Variants in SYTL5 observed in about 807,000 individuals in gnomAD.
The protein encoded by SYTL5 is synaptotagmin-like protein 5.
Under a neutral mutation model 55.9 loss-of-function variants are expected in SYTL5, and 34 were observed. The observed-to-expected ratio is 0.61, with a 90% confidence interval of 0.46 to 0.81. SYTL5 has a LOEUF of 0.81. Ranked by LOEUF, SYTL5 falls within the 30% of genes least tolerant of loss-of-function variation. SYTL5 has a pLI of 0.00. For synonymous variants in SYTL5, 221 were observed against 188.7 expected (o/e 1.17, Z -1.40); for missense variants, 637 against 546.7 (o/e 1.17, Z -1.65).
intron 1 of SYTL5, among the ~76,000 whole-genome samples, chrX:38,013,550 C>T (rs1231253165): frequency 8.9e-6 from 1 of 111,760 alleles, no homozygotes; most frequent in Non-Finnish European, 1.9e-5. Context: ...GTAACCAAGG[C>T]ATACAGAGGT....
At chrX:38,010,769 T>A (rs905841242) in intron 1 of SYTL5, among the ~76,000 whole-genome samples, 2 of 111,832 alleles carry the variant, frequency 1.8e-5, no homozygotes, top group African/African-American at 3.2e-5. Context: ...AAAGTGTGTA[T>A]TTTTACTAAT....
In SYTL5 at chrX:38,108,688, G is replaced by A. The variant is rs768865858; in HGVS notation, c.1423G>A (p.Glu475Lys). The A allele has an allele frequency of 8.5e-7, 1 of 1,182,944 alleles. No individual in the cohort carries two copies. Among genetic ancestry groups the A allele is most frequent in the African/African-American group, 1.8e-5 (1 of 56,292 alleles). ...AACAGGCACCAATCCAGAATTCAAT[G>A]AAACACTAAAGGTAAATAAATACGG... The part of the protein sequence containing the change: ...IRTGTNPEFN[E>K]TLKYTISHTQ... The change falls in exon 12 of 17, where the codon GAA becomes AAA. Residue 475 changes from glutamate to lysine, a missense_variant. Glu to Lys is a moderately conservative substitution (Grantham distance 56). Coordinates refer to ENST00000297875, the MANE Select transcript of SYTL5 (RefSeq NM_138780.3).
chrX:38,114,745 T>C lies in SYTL5; in HGVS notation c.1596+4263T>C, dbSNP rs1937442918. ...ACAAAACATTGTTATTATTAATAAC[T>C]ATGGTCACCATGTTATAAAATAGAT... On this transcript the variant is annotated intron_variant, in intron 13 of 16. Transcript: ENST00000297875. Among the ~76,000 whole-genome samples, 6 of 111,528 alleles carry C rather than the reference T, an allele frequency of 5.4e-5. No individual in the cohort carries two copies. The Admixed American group carries it at 5.7e-4, about 11-fold the overall frequency.
chrX:38,035,253 A>G (rs1393957313), intron 2 of SYTL5, among the ~76,000 whole-genome samples: 1 of 112,415 alleles, frequency 8.9e-6, no homozygotes, highest in Non-Finnish European at 1.9e-5. Context: ...ATCATGAATA[A>G]TATTTTTGAC....
chrX:37,911,111 G>C, the SYTL5 span, among the ~76,000 whole-genome samples: 1 of 107,867 alleles, frequency 9.3e-6, no homozygotes, highest in Non-Finnish European at 1.9e-5. Flanking sequence ...GATTACAGGT[G>C]TCTGCCACCA....
the SYTL5 span, among the ~76,000 whole-genome samples, chrX:37,905,224 T>G: frequency 9.0e-6 from 1 of 110,606 alleles, no homozygotes; most frequent in Non-Finnish European, 1.9e-5. Flanking sequence ...CCCACAGTAC[T>G]TTTCCAAGAC....
the SYTL5 span, among the ~76,000 whole-genome samples, chrX:37,967,947 C>G: frequency 9.3e-6 from 1 of 107,759 alleles, no homozygotes; most frequent in Non-Finnish European, 1.9e-5. Flanking sequence ...TTGAACCTCT[C>G]TAGTGAATTT....
chrX:38,023,186 G>A (rs1468502523), intron 1 of SYTL5, among the ~76,000 whole-genome samples: 1 of 111,997 alleles, frequency 8.9e-6, no homozygotes, highest in Non-Finnish European at 1.9e-5. Flanking sequence ...TTCACAGCAT[G>A]TCTGAAACCC....
the SYTL5 span, among the ~76,000 whole-genome samples, chrX:37,933,980 A>G: frequency 2.6e-3 from 292 of 111,495 alleles, 1 homozygote; most frequent in Non-Finnish European, 3.5e-3. Flanking sequence ...GGAAATCTCA[A>G]TCTAATCATT....
the SYTL5 span, among the ~76,000 whole-genome samples, chrX:37,968,058 T>G: frequency 5.4e-5 from 6 of 110,476 alleles, no homozygotes; most frequent in African/African-American, 2.0e-4. Context: ...TGCATTCTTC[T>G]CTTGACCTCC....
intron 3 of SYTL5, among the ~76,000 whole-genome samples, chrX:38,062,671 T>C (rs1397551801): frequency 8.9e-6 from 1 of 111,761 alleles, no homozygotes; most frequent in Admixed American, 9.5e-5. Context: ...GCCATACTGT[T>C]ATCCTGTTGG....
At chrX:37,942,228 T>G in the SYTL5 span, among the ~76,000 whole-genome samples, 1 of 112,261 alleles carries the variant, frequency 8.9e-6, no homozygotes, top group African/African-American at 3.2e-5. Flanking sequence ...TTTTCATTTG[T>G]GATCATATAT....
chrX:38,097,416 T>A (rs184235992), intron 9 of SYTL5, among the ~76,000 whole-genome samples: 76 of 110,585 alleles, frequency 6.9e-4, no homozygotes, highest in African/African-American at 2.3e-3. Context: ...ATACTAGCAA[T>A]GATCAATTGG....
rs755229626 is a variant in SYTL5 at position 38,033,554 on chromosome X, A to G, written c.-336A>G. ...CTTAGTGTTTTCTGCATTCTCTCCC[A>G]GCGGATCTGATTCCTGTTCTGAAGA... On this transcript the variant is annotated 5_prime_UTR_variant, in exon 2 of 17. Transcript: ENST00000297875. The G allele has an allele frequency of 9.1e-5, 11 of 120,357 alleles. No individual in the cohort carries two copies. In the East Asian group the frequency reaches 9.9e-4, roughly 11 times the overall value. The allele number at this position is 120,357 out of a possible 1,213,427, so 9.9% of individuals were successfully genotyped here.
At chrX:37,892,617 C>CAT in the SYTL5 span, among the ~76,000 whole-genome samples, 1 of 86,530 alleles carries the variant, frequency 1.2e-5, no homozygotes, top group Non-Finnish European at 2.2e-5. Context: ...ATTGTATATA[C>CAT]ATATATACAT....
intron 14 of SYTL5, among the ~76,000 whole-genome samples, chrX:38,121,054 A>G (rs1480988291): frequency 1.8e-5 from 2 of 111,746 alleles, no homozygotes; most frequent in East Asian, 5.6e-4. Context: ...GAAGCTTACA[A>G]TTATGGCAGA....
chrX:38,116,631 A>G (rs968638138), intron 13 of SYTL5, among the ~76,000 whole-genome samples: 5 of 112,929 alleles, frequency 4.4e-5, no homozygotes, highest in Non-Finnish European at 9.4e-5. Context: ...AAGCCCACAT[A>G]TAATCCAATA....
upstream of SYTL5, among the ~76,000 whole-genome samples, chrX:38,004,093 C>T (rs999851859): frequency 3.6e-5 from 4 of 111,400 alleles, no homozygotes; most frequent in African/African-American, 1.3e-4. Context: ...GTTATTAATC[C>T]CTTGTCAGAT....
intron 2 of SYTL5, among the ~76,000 whole-genome samples, chrX:38,034,354 G>T (rs973373820): frequency 5.3e-5 from 6 of 112,267 alleles, no homozygotes; most frequent in African/African-American, 1.6e-4. Flanking sequence ...CTATGCCTTG[G>T]TTTCCTCATC....
Sources: allele counts gnomAD v4.1 joint callset (sites outside exome capture counted in the v4.1 genomes callset), GRCh38; gene constraint gnomAD v4.1.1; transcripts MANE v1.5; gene names NCBI Gene and HGNC (gene_info 2026-07-23, HGNC 2026-07-21).